Variants in SLC12A2 observed in about 807,000 individuals in gnomAD.
The protein encoded by SLC12A2 is solute carrier family 12 member 2, also known as Na-K-2Cl cotransporter 1.
Under a neutral mutation model 136.3 loss-of-function variants are expected in SLC12A2, and 67 were observed. The observed-to-expected ratio is 0.49, with a 90% confidence interval of 0.40 to 0.60. The LOEUF is 0.60. Among genes scored for constraint, SLC12A2 ranks in the 20% least tolerant of loss-of-function variants. SLC12A2 has a pLI of 0.00. For synonymous variants in SLC12A2, 619 were observed against 562.9 expected, an observed-to-expected ratio of 1.10 and a Z score of -1.41; for missense variants, 1,322 against 1,534.7, an observed-to-expected ratio of 0.86 and a Z score of 2.32.
chr5:128,150,184 A>T, intron 13 of SLC12A2, 86 bp downstream of exon 13: 1 of 827,946 alleles, frequency 1.2e-6, no homozygotes, highest in African/African-American at 1.7e-5. Flanking sequence ...CAAAGATGTT[A>T]TGTGTGGGGT....
Position 128,084,587 on chromosome 5 carries a change from C to G in SLC12A2, c.633C>G (p.Arg211=). 1.2e-6 allele frequency: 2 copies of G among 1,613,692 alleles called. No individual in the cohort carries two copies. The highest frequency in any genetic ancestry group is 1.1e-5 in the South Asian group (1 of 91,080). ...YDTHTNTYYL[R]TFGHNTMDAV... is the part of the protein sequence containing the mutation. Reference sequence around the variant, plus strand: ...CCCACACCAACACCTACTACCTGCGCACCTTCGGCCACAACACCATGGACG... The same window carrying G: ...CCCACACCAACACCTACTACCTGCGGACCTTCGGCCACAACACCATGGACG... Residue 211 remains arginine (R), a synonymous_variant, in exon 1 of 27, where the codon CGC becomes CGG. Transcript: ENST00000262461. The surrounding 1 kb of genome is among the most constrained non-coding windows in gnomAD (Gnocchi z 5.6).
chr5:128,126,774 A>G (rs1279135586), intron 4 of SLC12A2, among the ~76,000 whole-genome samples: 1 of 151,634 alleles, frequency 6.6e-6, no homozygotes, highest in Non-Finnish European at 1.5e-5. Flanking sequence ...AATGAGTTCA[A>G]TATCACTGTT....
intron 12 of SLC12A2, among the ~76,000 whole-genome samples, chr5:128,149,721 G>A (rs946741385): frequency 2.6e-5 from 4 of 151,884 alleles, no homozygotes; most frequent in South Asian, 2.1e-4. Context: ...GCATATAGAC[G>A]ATACATGTCA....
intron 19 of SLC12A2, 111 bp from the exon 20 acceptor site, chr5:128,174,430 C>T: frequency 2.7e-6 from 2 of 743,138 alleles, no homozygotes; most frequent in Non-Finnish European, 4.3e-6. Context: ...AATAAGAAGC[C>T]ATTTATAATA....
At chr5:128,085,785 A>T (rs1042983874) in intron 1 of SLC12A2, among the ~76,000 whole-genome samples, 2 of 152,208 alleles carry the variant, frequency 1.3e-5, no homozygotes, top group East Asian at 1.9e-4. Context: ...GTGATTTCAT[A>T]CAAGATTGTA....
In SLC12A2 at chr5:128,167,826, A is replaced by G; in HGVS notation, c.2682A>G (p.Gln894=). Residue 894 remains glutamine, a synonymous_variant, in exon 18 of 27, where the codon CAA becomes CAG. Coordinates refer to ENST00000262461, the MANE Select transcript of SLC12A2 (RefSeq NM_001046.3). ...LVLGFKKDWL[Q]ADMRDVDMYI... ...TTGGATTTAAGAAAGATTGGTTGCA[A>G]GCAGATATGAGGGATGTGGATATGT... 2 of 1,608,530 alleles carry G rather than the reference A, an allele frequency of 1.2e-6. No homozygotes were observed. The highest frequency in any genetic ancestry group is 1.1e-5 in the South Asian group (1 of 90,184).
chr5:128,094,296 A>G (rs962833632), intron 1 of SLC12A2, among the ~76,000 whole-genome samples: 1 of 151,434 alleles, frequency 6.6e-6, no homozygotes, highest in Non-Finnish European at 1.5e-5. Context: ...TTCTTTACAT[A>G]TTAATGTGGT....
Position 128,182,954 on chromosome 5 carries a change from A to G in SLC12A2, c.3299+13A>G. The G allele has an allele frequency of 9.0e-6, 14 of 1,548,516 alleles. No homozygotes were observed. Among genetic ancestry groups the G allele is most frequent in the Non-Finnish European group, 1.2e-5 (13 of 1,125,562 alleles). On this transcript the variant is annotated intron_variant, in intron 24 of 26. Coordinates refer to ENST00000262461, the MANE Select transcript of SLC12A2 (RefSeq NM_001046.3). Reference sequence around the variant, plus strand: ...CAAAGAAAGAAAAGTAAGTTACTCTACAAATTTCTGATCCCTTTATAGATG... The same window carrying G: ...CAAAGAAAGAAAAGTAAGTTACTCTGCAAATTTCTGATCCCTTTATAGATG...
chr5:128,110,661 C>T lies in SLC12A2; in HGVS notation c.757-2153C>T, dbSNP rs1023033289. On this transcript the variant is annotated intron_variant, in intron 1 of 26. Transcript: ENST00000262461. ...ACAGTGTTGTGCTGAAGCCAAGACT[C>T]CGTCTACTATGAACATTTTTACAAT... is the stretch of plus-strand genomic sequence containing the variant. 10 of 1,245,572 alleles carry T rather than the reference C, an allele frequency of 8.0e-6. No homozygotes were observed. The East Asian group carries it at 2.1e-4, about 26-fold the overall frequency. The allele number at this position is 1,245,572 out of a possible 1,614,324, so 77.2% of individuals were successfully genotyped here.
chr5:128,123,188 G>C (rs971785895), intron 4 of SLC12A2, among the ~76,000 whole-genome samples: 2 of 151,938 alleles, frequency 1.3e-5, no homozygotes, highest in Non-Finnish European at 2.9e-5. Flanking sequence ...AAATTTAATT[G>C]AATTATTCTG....
At chr5:128,092,045 G>T (rs1225293448) in intron 1 of SLC12A2, among the ~76,000 whole-genome samples, 1 of 152,036 alleles carries the variant, frequency 6.6e-6, no homozygotes, top group Non-Finnish European at 1.5e-5. Flanking sequence ...GGTTTGGCAG[G>T]GCAGGCTTGA....
At chr5:128,185,965 A>G (rs1388460390) in intron 26 of SLC12A2, among the ~76,000 whole-genome samples, 1 of 152,126 alleles carries the variant, frequency 6.6e-6, no homozygotes, top group Non-Finnish European at 1.5e-5. Flanking sequence ...AGTCTCAGCT[A>G]CTTGGGAGAC....
intron 1 of SLC12A2, chr5:128,109,505 T>C: frequency 1.7e-6 from 1 of 591,436 alleles, no homozygotes; most frequent in African/African-American, 1.9e-5. Flanking sequence ...ATTTTGCTGC[T>C]TTATTGCTTC....
At position 128,150,075 on chromosome 5, in the gene SLC12A2, A is replaced by G. The variant is rs1289651487; in HGVS notation, c.2084A>G (p.His695Arg). ...SYALINFSVF[H>R]ASLAKSPGWR... Reference sequence around the variant, plus strand: ...GCATTGATCAATTTTTCAGTATTCCATGCATCACTTGCAAAATCTCCAGGT... The same window carrying G: ...GCATTGATCAATTTTTCAGTATTCCGTGCATCACTTGCAAAATCTCCAGGT... Residue 695 changes from histidine (H) to arginine (R), a missense_variant, in exon 13 of 27, where the codon CAT becomes CGT. His to Arg is a conservative substitution (Grantham distance 29). Coordinates refer to ENST00000262461, the MANE Select transcript of SLC12A2 (RefSeq NM_001046.3). 1.9e-6 allele frequency: 3 copies of G among 1,603,824 alleles called. No individual in the cohort carries two copies. Among genetic ancestry groups the G allele is most frequent in the East Asian group, 2.2e-5 (1 of 44,736 alleles).
chr5:128,124,639 CTG>C (rs1405459609), intron 4 of SLC12A2, among the ~76,000 whole-genome samples: 3 of 152,180 alleles, frequency 2.0e-5, no homozygotes, highest in African/African-American at 7.2e-5. Context: ...CCTGGCACCT[CTG>C]TGTTCACCAG....
intron 5 of SLC12A2, among the ~76,000 whole-genome samples, chr5:128,131,731 C>T (rs183280343): frequency 3.9e-5 from 6 of 152,046 alleles, no homozygotes; most frequent in African/African-American, 1.2e-4. Context: ...TACAGCCGGG[C>T]GTGGTGGCTC....
intron 10 of SLC12A2, among the ~76,000 whole-genome samples, chr5:128,145,365 A>ATCATAC (rs1762502234): frequency 6.6e-6 from 1 of 152,082 alleles, no homozygotes; most frequent in Non-Finnish European, 1.5e-5. Flanking sequence ...ACAGATGTAG[A>ATCATAC]ATTTTGTATG....
At chr5:128,130,311 T>C (rs1761968361) in intron 4 of SLC12A2, among the ~76,000 whole-genome samples, 1 of 151,938 alleles carries the variant, frequency 6.6e-6, no homozygotes, top group Admixed American at 6.6e-5. Context: ...GGTCAGGAGA[T>C]TGAGACCATC....
chr5:128,117,371 C>CA (rs1203847834), intron 4 of SLC12A2, among the ~76,000 whole-genome samples: 2 of 152,012 alleles, frequency 1.3e-5, no homozygotes, highest in African/African-American at 4.8e-5. Context: ...AACAATGAAA[C>CA]AAACCAAAAA....
Sources: allele counts gnomAD v4.1 joint callset (sites outside exome capture counted in the v4.1 genomes callset), GRCh38; gene constraint gnomAD v4.1.1; non-coding constraint Gnocchi (gnomAD v3.1); transcripts MANE v1.5; gene names NCBI Gene and HGNC (gene_info 2026-07-23, HGNC 2026-07-21).